The following RAP1GAP2 variants were observed in gnomAD, a reference collection of about 807,000 sequenced individuals.
RAP1GAP2 encodes the protein rap1 GTPase-activating protein 2.
RAP1GAP2 carries 27 observed loss-of-function variants against 95.0 expected under a neutral mutation model. The observed-to-expected ratio is 0.28, with a 90% confidence interval of 0.21 to 0.39. The LOEUF (loss-of-function observed/expected upper bound fraction) is 0.39, where lower values mean the gene tolerates loss of function less well. Ranked by LOEUF, RAP1GAP2 falls within the 10% of genes least tolerant of loss-of-function variation. RAP1GAP2 has a pLI of 1.00. For missense variants in RAP1GAP2, 771 were observed against 970.0 expected (o/e 0.79, Z 2.72); for synonymous variants, 373 against 380.9 (o/e 0.98, Z 0.24).
intron 2 of RAP1GAP2, among the ~76,000 whole-genome samples, chr17:2,804,414 C>G (rs1294619035): frequency 6.6e-6 from 1 of 152,218 alleles, no homozygotes; most frequent in African/African-American, 2.4e-5. Flanking sequence ...GTTTAGGAAA[C>G]CCGTTCAAGG....
rs1230490788 is a variant in RAP1GAP2, at chr17:3,004,562, G to C, written c.1201-807G>C. On this transcript the variant is annotated intron_variant, in intron 14 of 24. Coordinates refer to ENST00000254695, the MANE Select transcript of RAP1GAP2 (RefSeq NM_015085.5). The surrounding 1 kb of genome is among the most constrained non-coding windows in gnomAD (Gnocchi z 4.1). The stretch of plus-strand genomic sequence containing the variant: ...CACCTCTGTGCAGAGGGAAGGCGGG[G>C]TGTGGGGCCCGTCCCACGCCTGGGC... Among the ~76,000 whole-genome samples, 1 of 152,278 alleles carries C rather than the reference G, an allele frequency of 6.6e-6. No individual in the cohort carries two copies. Among genetic ancestry groups the C allele is most frequent in the South Asian group, 2.1e-4 (1 of 4,836 alleles).
intron 11 of RAP1GAP2, among the ~76,000 whole-genome samples, chr17:2,987,480 C>G (rs1567860256): frequency 6.6e-6 from 1 of 152,032 alleles, no homozygotes; most frequent in African/African-American, 2.4e-5. Context: ...TCTGCCTCAG[C>G]TCCCTCGAGC....
At chr17:2,896,661 C>CT (rs1215888845) in intron 2 of RAP1GAP2, among the ~76,000 whole-genome samples, 2 of 152,168 alleles carry the variant, frequency 1.3e-5, no homozygotes, top group Non-Finnish European at 2.9e-5. Flanking sequence ...GCCCCAGGTG[C>CT]CCCCAACCAC....
intron 3 of RAP1GAP2, among the ~76,000 whole-genome samples, chr17:2,931,142 AAAG>A (rs1290096768): frequency 5.4e-4 from 79 of 146,358 alleles, no homozygotes; most frequent in South Asian, 3.2e-3. Flanking sequence ...AAAAAAAAAA[AAAG>A]AAGAAGAGAA....
intron 11 of RAP1GAP2, among the ~76,000 whole-genome samples, chr17:2,985,887 C>T (rs1249489305): frequency 6.6e-6 from 1 of 152,114 alleles, no homozygotes; most frequent in African/African-American, 2.4e-5. Flanking sequence ...ATCTTCCCTA[C>T]CTCTTTCCTA....
chr17:2,904,003 G>T lies in RAP1GAP2; in HGVS notation c.81-1281G>T, dbSNP rs1215760870. ...GGAAGAGGGGCAGAAGGATTCTCTG[G>T]AGGTGGCAGTGGGGGTGCTTTGATC... On this transcript the variant is annotated intron_variant, in intron 2 of 24. Transcript: ENST00000254695. This position sits in a 1 kb window ranked among gnomAD's most constrained non-coding sequence, Gnocchi z 4.7. Among the ~76,000 whole-genome samples the T allele has an allele frequency of 1.3e-5, 2 of 152,204 alleles. No individual in the cohort carries two copies. The highest frequency in any genetic ancestry group is 2.9e-5 in the Non-Finnish European group (2 of 68,036).
chr17:2,821,150 C>G (rs2070287117), intron 2 of RAP1GAP2, among the ~76,000 whole-genome samples: 1 of 152,090 alleles, frequency 6.6e-6, no homozygotes, highest in African/African-American at 2.4e-5. Context: ...TCCCTCTCCA[C>G]AGGCCCAGGG....
At chr17:2,910,789 G>A (rs944402203) in intron 3 of RAP1GAP2, among the ~76,000 whole-genome samples, 1 of 152,124 alleles carries the variant, frequency 6.6e-6, no homozygotes, top group African/African-American at 2.4e-5. Flanking sequence ...GTAATGGCGC[G>A]ATCTCGGCTC....
chr17:2,805,601 G>A (rs940786151), intron 2 of RAP1GAP2, among the ~76,000 whole-genome samples: 1 of 151,900 alleles, frequency 6.6e-6, no homozygotes, highest in African/African-American at 2.4e-5. Flanking sequence ...TCGAACTCCC[G>A]ACCTCAGGTG....
intron 2 of RAP1GAP2, among the ~76,000 whole-genome samples, chr17:2,872,330 G>C (rs1416761332): frequency 1.3e-5 from 2 of 151,772 alleles, no homozygotes; most frequent in Non-Finnish European, 2.9e-5. Context: ...GCAAGGGGTT[G>C]CAATCTGAGG....
Position 2,796,459 on chromosome 17 carries a change from C to T in RAP1GAP2, c.-69C>T, listed in dbSNP as rs1370378402. The T allele has an allele frequency of 3.9e-6, 6 of 1,521,772 alleles. No individual in the cohort carries two copies. Among genetic ancestry groups the T allele is most frequent in the Admixed American group, 3.9e-5 (2 of 50,928 alleles). 94.3% of individuals were successfully genotyped at this position (1,521,772 alleles called of 1,614,324 possible). The stretch of plus-strand genomic sequence containing the variant: ...CGGCACTGACCCCGCTGTACCACGG[C>T]CCTCTTGCGGACAGCCCCGGGGACG... On this transcript the variant is annotated 5_prime_UTR_variant, in exon 1 of 25. Transcript: ENST00000254695. This position sits in a 1 kb window ranked among gnomAD's most constrained non-coding sequence, Gnocchi z 4.7.
At chr17:2,941,510 C>T (rs2043495979) in intron 3 of RAP1GAP2, among the ~76,000 whole-genome samples, 1 of 152,026 alleles carries the variant, frequency 6.6e-6, no homozygotes, top group Non-Finnish European at 1.5e-5. Flanking sequence ...TGGAAGGAGG[C>T]AGGAGCCCGA....
intron 2 of RAP1GAP2, among the ~76,000 whole-genome samples, chr17:2,846,150 T>G (rs1254815219): frequency 6.8e-6 from 1 of 148,058 alleles, no homozygotes; most frequent in Non-Finnish European, 1.5e-5. Flanking sequence ...ACCACTGCAC[T>G]CCACCCTGGG....
At position 2,906,767 on chromosome 17, in the gene RAP1GAP2, G is replaced by A. The variant is rs955201385; in HGVS notation, c.165+1399G>A. Among the ~76,000 whole-genome samples the A allele has an allele frequency of 6.6e-6, 1 of 152,122 alleles. No individual in the cohort carries two copies. The highest frequency in any genetic ancestry group is 2.4e-5 in the African/African-American group (1 of 41,418). The stretch of plus-strand genomic sequence containing the variant: ...GGAGAAGTCTGACAGTCTCCTAGGA[G>A]GAGTCCCTGAATTCTCTTGGCAGAT... On this transcript the variant is annotated intron_variant, in intron 3 of 24. Transcript: ENST00000254695. The surrounding 1 kb of genome is among the most constrained non-coding windows in gnomAD (Gnocchi z 4.3).
chr17:2,800,087 T>C (rs2069218638), intron 1 of RAP1GAP2: 24 of 647,948 alleles, frequency 3.7e-5, no homozygotes, highest in Non-Finnish European at 4.6e-5. Flanking sequence ...CTGGGAAATA[T>C]GGATGTCCAC....
At position 2,904,381 on chromosome 17, in the gene RAP1GAP2, G is replaced by C. The variant is rs963634276; in HGVS notation, c.81-903G>C. ...TGGAAAGTGGGGAGTGTGTGAGCGC[G>C]GCAAACTTGTCGCAGTCATGTTGCC... On this transcript the variant is annotated intron_variant, in intron 2 of 24. Transcript: ENST00000254695. This position sits in a 1 kb window ranked among gnomAD's most constrained non-coding sequence, Gnocchi z 4.7. Among the ~76,000 whole-genome samples, 2 of 152,144 alleles carry C rather than the reference G, an allele frequency of 1.3e-5. No homozygotes were observed. The highest frequency in any genetic ancestry group is 6.5e-5 in the Admixed American group (1 of 15,268).
At position 2,997,728 on chromosome 17, in the gene RAP1GAP2, G is replaced by A. The variant is rs556319847; in HGVS notation, c.1045-493G>A. Among the ~76,000 whole-genome samples the A allele has an allele frequency of 2.6e-5, 4 of 152,066 alleles. No homozygotes were observed. In the South Asian group the frequency reaches 8.3e-4, roughly 32 times the overall value. ...CGGGCTGGTCAGGAGTTTAAGACCA[G>A]CCTGGCCAACATGGTGAAACCTCGT... On this transcript the variant is annotated intron_variant, in intron 13 of 24. Coordinates refer to ENST00000254695, the MANE Select transcript of RAP1GAP2 (RefSeq NM_015085.5).
intron 3 of RAP1GAP2, among the ~76,000 whole-genome samples, chr17:2,918,258 A>AC (rs199885280): frequency 0.025 from 3,841 of 151,832 alleles, 156 homozygotes; most frequent in African/African-American, 0.087. Context: ...ATATGGTGAA[A>AC]CCTGTTTCTA....
chr17:2,834,500 GA>G (rs764664239), intron 2 of RAP1GAP2, among the ~76,000 whole-genome samples: 2 of 152,152 alleles, frequency 1.3e-5, no homozygotes, highest in Non-Finnish European at 2.9e-5. Context: ...AACTTCAAGA[GA>G]GGAAGGACCA....
Sources: allele counts gnomAD v4.1 joint callset (sites outside exome capture counted in the v4.1 genomes callset), GRCh38; gene constraint gnomAD v4.1.1; non-coding constraint Gnocchi (gnomAD v3.1); transcripts MANE v1.5; gene names NCBI Gene and HGNC (gene_info 2026-07-23, HGNC 2026-07-21).